ATG5: variants seen among roughly 807,000 people sequenced by gnomAD.
The protein encoded by ATG5 is autophagy related 5.
In ATG5, 14 loss-of-function variants were observed where a neutral mutation model predicts 36.5. That is an observed-to-expected ratio of 0.38 (90% CI 0.25 to 0.60). The LOEUF (loss-of-function observed/expected upper bound fraction) is 0.60, where lower values mean the gene tolerates loss of function less well. Among genes scored for constraint, ATG5 ranks in the 20% least tolerant of loss-of-function variants. The probability of loss-of-function intolerance (pLI) is 0.60; values close to 1 mark genes in which losing one functional copy is unlikely to be tolerated. For missense variants in ATG5, 195 were observed against 326.7 expected, an observed-to-expected ratio of 0.60 and a Z score of 3.11; for synonymous variants, 95 against 101.5, an observed-to-expected ratio of 0.94 and a Z score of 0.38.
intron 4 of ATG5, among the ~76,000 whole-genome samples, chr6:106,286,082 C>T (rs192753151): frequency 3.9e-4 from 59 of 152,310 alleles, no homozygotes; most frequent in African/African-American, 1.3e-3. Flanking sequence ...ATCTACTAGA[C>T]CTTGCAGAGT....
chr6:106,221,686 A>C (rs1374975623), intron 6 of ATG5, among the ~76,000 whole-genome samples: 1 of 99,708 alleles, frequency 1.0e-5, no homozygotes, highest in South Asian at 2.9e-4. Flanking sequence ...ACCCTGTCTC[A>C]AAAAAAAAAA....
chr6:106,189,426 C>A (rs1202285500), intron 7 of ATG5, among the ~76,000 whole-genome samples: 1 of 151,710 alleles, frequency 6.6e-6, no homozygotes, highest in Non-Finnish European at 1.5e-5. Flanking sequence ...GCAACAGACC[C>A]CATCTCTACA....
chr6:106,184,931 G>A lies in ATG5; in HGVS notation c.*1609C>T, dbSNP rs1026159932. Reference sequence around the variant, plus strand: ...ACAATCATATTCAGACCAGCCTCTTGTGCAAAAATACAAGTCAGTGGATTT... The same window carrying A: ...ACAATCATATTCAGACCAGCCTCTTATGCAAAAATACAAGTCAGTGGATTT... On this transcript the variant is annotated 3_prime_UTR_variant, in exon 8 of 8. Coordinates refer to ENST00000369076, the MANE Select transcript of ATG5 (RefSeq NM_004849.4). 6 of 152,278 alleles carry A rather than the reference G, an allele frequency of 3.9e-5. No individual in the cohort carries two copies. Among genetic ancestry groups the A allele is most frequent in the African/African-American group, 1.4e-4 (6 of 41,444 alleles). The allele number at this position is 152,278 out of a possible 1,614,324, so 9.4% of individuals were successfully genotyped here.
chr6:106,224,267 G>A (rs1282610388), intron 6 of ATG5, among the ~76,000 whole-genome samples: 2 of 152,194 alleles, frequency 1.3e-5, no homozygotes, highest in Non-Finnish European at 2.9e-5. Flanking sequence ...AAACTCAACA[G>A]AATGGAGGGA....
At chr6:106,229,070 C>T (rs1459704462) in intron 6 of ATG5, among the ~76,000 whole-genome samples, 1 of 152,256 alleles carries the variant, frequency 6.6e-6, no homozygotes. Flanking sequence ...GTCCCAACCA[C>T]GACTTTCTTG....
At chr6:106,222,244 T>C (rs1427663806) in intron 6 of ATG5, among the ~76,000 whole-genome samples, 1 of 152,184 alleles carries the variant, frequency 6.6e-6, no homozygotes, top group Non-Finnish European at 1.5e-5. Context: ...AGTGAAATAA[T>C]TAAAACTGCA....
At chr6:106,253,903 G>A (rs1382179872) in intron 5 of ATG5, among the ~76,000 whole-genome samples, 2 of 152,062 alleles carry the variant, frequency 1.3e-5, no homozygotes, top group African/African-American at 2.4e-5. Context: ...CTACATGCAG[G>A]CAACCATAAA....
intron 5 of ATG5, among the ~76,000 whole-genome samples, chr6:106,275,592 T>A (rs537850472): frequency 1.3e-5 from 2 of 152,276 alleles, no homozygotes; most frequent in Non-Finnish European, 2.9e-5. Context: ...TAAAATTAAT[T>A]TAATAAAATT....
chr6:106,234,767 G>A (rs1643898656), intron 6 of ATG5, among the ~76,000 whole-genome samples: 1 of 152,150 alleles, frequency 6.6e-6, no homozygotes, highest in Admixed American at 6.5e-5. Flanking sequence ...GGTGGACTAG[G>A]TTCTGGCATT....
chr6:106,249,106 A>G (rs1162616799), intron 5 of ATG5, among the ~76,000 whole-genome samples: 1 of 152,214 alleles, frequency 6.6e-6, no homozygotes, highest in African/African-American at 2.4e-5. Flanking sequence ...TTCAATTTCA[A>G]ATTTTTTAAA....
At position 106,323,120 on chromosome 6, in the gene ATG5, G is replaced by A. The variant is rs1771158420; in HGVS notation, c.-59+2406C>T. ...GTTTGTTTGTTTTTTTGTATTTTTA[G>A]TAGAGACGGGGTTTCACCGTGTTAG... On this transcript the variant is annotated intron_variant, in intron 1 of 7. Transcript: ENST00000369076. 2.6e-5 allele frequency among the ~76,000 whole-genome samples: 4 copies of A among 151,808 alleles called. No homozygotes were observed. In the South Asian group the frequency reaches 8.3e-4, roughly 32 times the overall value.
At position 106,263,477 on chromosome 6, in the gene ATG5, C is replaced by T. The variant is rs567291996; in HGVS notation, c.479-15233G>A. On this transcript the variant is annotated intron_variant, in intron 5 of 7. Transcript: ENST00000369076. ...AAGAGAGGAGCTGATCCTGACAAGA[C>T]GGATTCTCCCAGCACAGAACACCAG... Among the ~76,000 whole-genome samples, 5 of 152,310 alleles carry T rather than the reference C, an allele frequency of 3.3e-5. 1 individual carries two copies. Among genetic ancestry groups the T allele is most frequent in the South Asian group, 2.1e-4 (1 of 4,822 alleles).
intron 5 of ATG5, among the ~76,000 whole-genome samples, chr6:106,273,151 A>G (rs930816071): frequency 2.0e-5 from 3 of 152,242 alleles, no homozygotes; most frequent in African/African-American, 7.2e-5. Context: ...AAGAGTAGTT[A>G]TGCCTCCTAC....
At chr6:106,210,283 G>A (rs987256315) in intron 6 of ATG5, among the ~76,000 whole-genome samples, 3 of 152,094 alleles carry the variant, frequency 2.0e-5, no homozygotes, top group African/African-American at 7.2e-5. Context: ...CAAAACAAAA[G>A]TAATGTTTAT....
intron 7 of ATG5, among the ~76,000 whole-genome samples, chr6:106,192,719 T>C (rs901613695): frequency 6.6e-6 from 1 of 152,218 alleles, no homozygotes; most frequent in African/African-American, 2.4e-5. Flanking sequence ...TGATTTGCTA[T>C]CTTGGAATGT....
intron 6 of ATG5, among the ~76,000 whole-genome samples, chr6:106,215,771 T>C (rs1299429142): frequency 1.3e-5 from 2 of 152,068 alleles, no homozygotes; most frequent in African/African-American, 4.8e-5. Flanking sequence ...CTGGACTTCA[T>C]CAAAGTTAAA....
In ATG5 at chr6:106,187,032, T is replaced by C. The variant is rs1350820867; in HGVS notation, c.692-356A>G. Among the ~76,000 whole-genome samples, 4 of 152,174 alleles carry C rather than the reference T, an allele frequency of 2.6e-5. No individual in the cohort carries two copies. In the East Asian group the frequency reaches 7.7e-4, roughly 29 times the overall value. ...TAGTTATACATTAAAAACTGTAATA[T>C]ATGGTTATTAAAAATGACAAGTACA... On this transcript the variant is annotated intron_variant, in intron 7 of 7. Coordinates refer to ENST00000369076, the MANE Select transcript of ATG5 (RefSeq NM_004849.4).
chr6:106,243,585 C>A (rs904878266), intron 6 of ATG5, among the ~76,000 whole-genome samples: 2 of 147,592 alleles, frequency 1.4e-5, no homozygotes, highest in East Asian at 4.0e-4. Flanking sequence ...AATTCCAGCA[C>A]TTTGGGAGGC....
chr6:106,321,404 G>A (rs1185268317), intron 1 of ATG5, among the ~76,000 whole-genome samples: 1 of 151,708 alleles, frequency 6.6e-6, no homozygotes, highest in Admixed American at 6.6e-5. Context: ...TGTCGCTCAG[G>A]ATGGAGTGCA....
Sources: allele counts gnomAD v4.1 joint callset (sites outside exome capture counted in the v4.1 genomes callset), GRCh38; gene constraint gnomAD v4.1.1; transcripts MANE v1.5; gene names NCBI Gene and HGNC (gene_info 2026-07-23, HGNC 2026-07-21).